The following PTPRO variants were observed in gnomAD, a reference collection of about 807,000 sequenced individuals.
PTPRO encodes protein tyrosine phosphatase receptor type O, also known as receptor-type tyrosine-protein phosphatase O.
A neutral mutation model predicts 145.2 loss-of-function variants in PTPRO; 62 were observed. The observed-to-expected ratio is 0.43, with a 90% confidence interval of 0.35 to 0.53. PTPRO has a LOEUF of 0.53. Ranked by LOEUF, PTPRO falls within the 20% of genes least tolerant of loss-of-function variation. The probability of loss-of-function intolerance (pLI) is 0.01; values close to 1 mark genes in which losing one functional copy is unlikely to be tolerated. For synonymous variants in PTPRO, 565 were observed against 514.7 expected, an observed-to-expected ratio of 1.10 and a Z score of -1.32; for missense variants, 1,345 against 1,482.7, an observed-to-expected ratio of 0.91 and a Z score of 1.53.
At chr12:15,543,394 G>A (rs138623513) in intron 12 of PTPRO, among the ~76,000 whole-genome samples, 14 of 152,284 alleles carry the variant, frequency 9.2e-5, no homozygotes, top group African/African-American at 2.9e-4. Context: ...TATTCATGTC[G>A]TATTCCTTGG....
At chr12:15,447,144 G>A (rs960909610) in intron 1 of PTPRO, among the ~76,000 whole-genome samples, 1 of 152,122 alleles carries the variant, frequency 6.6e-6, no homozygotes, top group African/African-American at 2.4e-5. Flanking sequence ...CCTATGGATT[G>A]ATCATTGGTT....
At chr12:15,345,375 T>C (rs767747141) in intron 1 of PTPRO, among the ~76,000 whole-genome samples, 3 of 152,130 alleles carry the variant, frequency 2.0e-5, no homozygotes, top group African/African-American at 4.8e-5. Context: ...CCATCAATGA[T>C]AGACTGGATG....
At chr12:15,510,330 G>T (rs139729284) in intron 7 of PTPRO, among the ~76,000 whole-genome samples, 1 of 152,250 alleles carries the variant, frequency 6.6e-6, no homozygotes, top group East Asian at 1.9e-4. Flanking sequence ...ACAGTTCATT[G>T]TGTAACTTAT....
At chr12:15,401,212 C>T (rs1445718406) in intron 1 of PTPRO, among the ~76,000 whole-genome samples, 2 of 152,160 alleles carry the variant, frequency 1.3e-5, no homozygotes, top group African/African-American at 2.4e-5. Context: ...AGTTAAATGA[C>T]TCCCCAGGGT....
chr12:15,486,178 C>T (rs1436437257), intron 2 of PTPRO, among the ~76,000 whole-genome samples: 1 of 152,134 alleles, frequency 6.6e-6, no homozygotes, highest in Non-Finnish European at 1.5e-5. Flanking sequence ...TTTCTCCTTT[C>T]ACTTATTTTG....
intron 15 of PTPRO, among the ~76,000 whole-genome samples, chr12:15,552,329 T>C (rs977849655): frequency 6.6e-6 from 1 of 152,222 alleles, no homozygotes; most frequent in East Asian, 1.9e-4. Context: ...ATCAATTCCC[T>C]TAAAAACTGT....
chr12:15,561,255 T>C (rs1199993069), intron 17 of PTPRO, among the ~76,000 whole-genome samples: 1 of 151,910 alleles, frequency 6.6e-6, no homozygotes, highest in Non-Finnish European at 1.5e-5. Flanking sequence ...AAAAATAGCT[T>C]ATGGGGTGGT....
At chr12:15,592,507 T>C (rs766712474) in intron 25 of PTPRO, among the ~76,000 whole-genome samples, 1 of 152,168 alleles carries the variant, frequency 6.6e-6, no homozygotes, top group Non-Finnish European at 1.5e-5. Flanking sequence ...GGATGAGCCA[T>C]GTCTCCAGGT....
chr12:15,357,954 C>T (rs1444330506), intron 1 of PTPRO, among the ~76,000 whole-genome samples: 1 of 151,282 alleles, frequency 6.6e-6, no homozygotes, highest in Non-Finnish European at 1.5e-5. Flanking sequence ...TATTGCGTCA[C>T]TATTCACAAT....
chr12:15,464,289 T>G (rs532149956), intron 1 of PTPRO, among the ~76,000 whole-genome samples: 1 of 152,316 alleles, frequency 6.6e-6, no homozygotes, highest in African/African-American at 2.4e-5. Flanking sequence ...TCAAATCATG[T>G]GGATCTAACA....
chr12:15,513,096 A>AAAGAAAG (rs1942479643), intron 7 of PTPRO, among the ~76,000 whole-genome samples: 1 of 19,540 alleles, frequency 5.1e-5, no homozygotes, highest in African/African-American at 1.3e-4. Flanking sequence ...AAGAAAGAAG[A>AAAGAAAG]AAGAAAGAAA....
chr12:15,455,774 T>C (rs1054356370), intron 1 of PTPRO, among the ~76,000 whole-genome samples: 11 of 152,192 alleles, frequency 7.2e-5, no homozygotes, highest in Non-Finnish European at 4.4e-5. Context: ...TTCAGGGTTT[T>C]CTATATATCA....
At chr12:15,547,638 A>C (rs1283268922) in intron 13 of PTPRO, among the ~76,000 whole-genome samples, 1 of 152,182 alleles carries the variant, frequency 6.6e-6, no homozygotes, top group African/African-American at 2.4e-5. Flanking sequence ...TGAACAGCTG[A>C]ATTTTCTCTA....
At chr12:15,561,184 A>G (rs955879066) in intron 17 of PTPRO, among the ~76,000 whole-genome samples, 2 of 152,094 alleles carry the variant, frequency 1.3e-5, no homozygotes, top group African/African-American at 2.4e-5. Context: ...CAGATCCATA[A>G]ATGTGGACAA....
chr12:15,587,624 T>C (rs1362783964), intron 24 of PTPRO, among the ~76,000 whole-genome samples: 1 of 152,164 alleles, frequency 6.6e-6, no homozygotes, highest in African/African-American at 2.4e-5. Context: ...GGATATAGGA[T>C]ATAAAAAAAT....
At chr12:15,529,152 G>A (rs1221293672) in intron 12 of PTPRO, among the ~76,000 whole-genome samples, 1 of 152,054 alleles carries the variant, frequency 6.6e-6, no homozygotes, top group Non-Finnish European at 1.5e-5. Flanking sequence ...CCATAACTCT[G>A]GTATAAAGCC....
intron 1 of PTPRO, among the ~76,000 whole-genome samples, chr12:15,402,941 G>T (rs1183723803): frequency 6.6e-6 from 1 of 152,080 alleles, no homozygotes; most frequent in Non-Finnish European, 1.5e-5. Flanking sequence ...CAAATGCACT[G>T]TAGAGTCAGC....
At chr12:15,448,339 T>TAAAAAAAAAAA (rs56136736) in intron 1 of PTPRO, among the ~76,000 whole-genome samples, 1,191 of 44,990 alleles carry the variant, frequency 0.026, 401 homozygotes, top group Middle Eastern at 0.091. Context: ...CTGTTCCTAG[T>TAAAAAAAAAAA]AAAAAAAAAA....
chr12:15,508,046 TA>T (rs1487619408), intron 6 of PTPRO, among the ~76,000 whole-genome samples: 1 of 152,206 alleles, frequency 6.6e-6, no homozygotes, highest in East Asian at 1.9e-4. Flanking sequence ...ACCCAGGTTT[TA>T]GCCAGCTTCT....
Sources: allele counts gnomAD v4.1 joint callset (sites outside exome capture counted in the v4.1 genomes callset), GRCh38; gene constraint gnomAD v4.1.1; transcripts MANE v1.5; gene names NCBI Gene and HGNC (gene_info 2026-07-23, HGNC 2026-07-21).